The following KLHL2 variants were observed in gnomAD, a reference collection of about 807,000 sequenced individuals.
KLHL2 encodes the protein kelch like family member 2, also known as kelch-like protein 2.
A neutral mutation model predicts 75.8 loss-of-function variants in KLHL2; 15 were observed. That is an observed-to-expected ratio of 0.20 (90% confidence interval 0.13 to 0.30). The LOEUF is 0.30. KLHL2 is among the 10% of genes least tolerant of loss of function. The probability of loss-of-function intolerance (pLI) is 1.00; values close to 1 mark genes in which losing one functional copy is unlikely to be tolerated. For missense variants in KLHL2, 381 were observed against 741.0 expected, an observed-to-expected ratio of 0.51 and a Z score of 5.64; for synonymous variants, 214 against 251.9, an observed-to-expected ratio of 0.85 and a Z score of 1.42.
intron 5 of KLHL2, among the ~76,000 whole-genome samples, chr4:165,275,670 G>A (rs1428811516): frequency 1.3e-5 from 2 of 152,092 alleles, no homozygotes; most frequent in Non-Finnish European, 2.9e-5. Context: ...TCGAACTCCT[G>A]GCCTTAAGCA....
chr4:165,285,308 AG>A (rs1744006860), intron 5 of KLHL2, among the ~76,000 whole-genome samples: 1 of 152,236 alleles, frequency 6.6e-6, no homozygotes, highest in Non-Finnish European at 1.5e-5. Flanking sequence ...AATTCACATT[AG>A]GGGTTAAAAA....
At chr4:165,305,511 A>G (rs1745663337) in intron 8 of KLHL2, 97 bp from the exon 9 acceptor site, 1 of 975,426 alleles carries the variant, frequency 1.0e-6, no homozygotes, top group Non-Finnish European at 1.6e-6. Flanking sequence ...TATCATCTTC[A>G]TCCTAACACT....
chr4:165,302,189 C>T (rs150069072), intron 8 of KLHL2, among the ~76,000 whole-genome samples: 5 of 152,258 alleles, frequency 3.3e-5, no homozygotes, highest in African/African-American at 4.8e-5. Context: ...TGCATGTTTA[C>T]TTGTATGATC....
intron 1 of KLHL2, among the ~76,000 whole-genome samples, chr4:165,219,024 A>AAAG (rs1737772528): frequency 6.6e-6 from 1 of 152,200 alleles, no homozygotes; most frequent in Middle Eastern, 3.2e-3. Flanking sequence ...ATTGCTTCAA[A>AAAG]AAGTTGTCTT....
rs554493271 is a variant in KLHL2 at position 165,287,250 on chromosome 4, AT to A, written c.545-7102del. 1.1e-3 allele frequency among the ~76,000 whole-genome samples: 175 copies of A among 152,258 alleles called. 1 individual carries two copies. Among genetic ancestry groups the A allele is most frequent in the Admixed American group, 2.7e-3 (41 of 15,284 alleles). Reference sequence around the variant, plus strand: ...CCTCATATTAGTGGAATCATACAGTATTTTTTTATTTTTGTGACTGGCTCAC... The same window carrying A: ...CCTCATATTAGTGGAATCATACAGTATTTTTTATTTTTGTGACTGGCTCAC... On this transcript the variant is annotated intron_variant, in intron 5 of 14. Transcript: ENST00000226725.
At chr4:165,278,343 T>C in intron 5 of KLHL2, 2 of 1,158,326 alleles carry the variant, frequency 1.7e-6, no homozygotes, top group South Asian at 1.2e-5. Context: ...TGTAGCTGCA[T>C]AAGAATTTTG....
chr4:165,305,784 CA>C, intron 9 of KLHL2, 59 bp downstream of exon 9: 3 of 1,137,376 alleles, frequency 2.6e-6, no homozygotes, highest in East Asian at 2.4e-5. Context: ...GCTTCTTTTT[CA>C]GGTCTTATTT....
chr4:165,303,056 T>C (rs1312628314), intron 8 of KLHL2, among the ~76,000 whole-genome samples: 1 of 152,242 alleles, frequency 6.6e-6, no homozygotes, highest in Admixed American at 6.5e-5. Flanking sequence ...CTTGGTTTTA[T>C]ATAAATATTC....
chr4:165,253,701 A>C (rs2111181764), intron 4 of KLHL2, among the ~76,000 whole-genome samples: 1 of 152,310 alleles, frequency 6.6e-6, no homozygotes, highest in African/African-American at 2.4e-5. Context: ...CTCCCTTTCC[A>C]GGCAACCATT....
intron 5 of KLHL2, among the ~76,000 whole-genome samples, chr4:165,267,890 C>G (rs1356472141): frequency 6.6e-6 from 1 of 152,172 alleles, no homozygotes; most frequent in African/African-American, 2.4e-5. Flanking sequence ...GGAATGGTAT[C>G]AGCTCCTCTT....
intron 12 of KLHL2, 44 bp downstream of exon 12, chr4:165,313,410 GAAAA>G: frequency 7.1e-7 from 1 of 1,401,426 alleles, no homozygotes; most frequent in Non-Finnish European, 9.3e-7. Flanking sequence ...AAAAATGATG[GAAAA>G]TAGTTAAAGT....
At chr4:165,271,541 C>T (rs1406011989) in intron 5 of KLHL2, among the ~76,000 whole-genome samples, 8 of 152,094 alleles carry the variant, frequency 5.3e-5, no homozygotes, top group South Asian at 2.1e-4. Flanking sequence ...CAAAGCTAGG[C>T]GCCTTTTGGA....
intron 1 of KLHL2, among the ~76,000 whole-genome samples, chr4:165,216,082 AG>A (rs1192412461): frequency 1.3e-5 from 2 of 152,212 alleles, no homozygotes; most frequent in African/African-American, 4.8e-5. Flanking sequence ...TGGTGTTCTC[AG>A]AATTGTTACA....
At chr4:165,284,986 A>G (rs1743976395) in intron 5 of KLHL2, among the ~76,000 whole-genome samples, 1 of 152,224 alleles carries the variant, frequency 6.6e-6, no homozygotes, top group African/African-American at 2.4e-5. Context: ...AGCATGAGAA[A>G]GACCTGCCCA....
intron 5 of KLHL2, among the ~76,000 whole-genome samples, chr4:165,281,397 G>C (rs927357565): frequency 6.6e-6 from 1 of 150,974 alleles, no homozygotes; most frequent in Admixed American, 6.6e-5. Context: ...CTCACTGTGA[G>C]CACTGCCTCC....
intron 5 of KLHL2, among the ~76,000 whole-genome samples, chr4:165,268,158 TC>T (rs1742393260): frequency 6.6e-6 from 1 of 152,226 alleles, no homozygotes; most frequent in African/African-American, 2.4e-5. Context: ...GGTGGTGATA[TC>T]CCCGTTATCA....
chr4:165,275,000 G>A (rs1270506987), intron 5 of KLHL2, among the ~76,000 whole-genome samples: 1 of 152,240 alleles, frequency 6.6e-6, no homozygotes, highest in Non-Finnish European at 1.5e-5. Context: ...AAGGCGTGGA[G>A]TGACAGCTCA....
chr4:165,276,429 G>A (rs1250658805), intron 5 of KLHL2, among the ~76,000 whole-genome samples: 8 of 151,910 alleles, frequency 5.3e-5, no homozygotes, highest in African/African-American at 1.5e-4. Context: ...CTTCTCGAAG[G>A]GATCACTCCC....
At chr4:165,239,463 C>T (rs1230472412) in intron 4 of KLHL2, among the ~76,000 whole-genome samples, 1 of 152,050 alleles carries the variant, frequency 6.6e-6, no homozygotes, top group Non-Finnish European at 1.5e-5. Flanking sequence ...AGAGGTCTCA[C>T]TGTGTTCCCC....
Sources: gnomAD v4.1 joint callset for allele counts (sites outside exome capture counted in the v4.1 genomes callset) on GRCh38, gnomAD v4.1.1 for gene constraint, MANE v1.5 for transcripts, NCBI Gene and HGNC (gene_info 2026-07-23, HGNC 2026-07-21) for gene names.